The following HOMER1 variants were observed in gnomAD, a reference collection of about 807,000 sequenced individuals.
The protein encoded by HOMER1 is homer scaffold protein 1.
Under a neutral mutation model 48.9 loss-of-function variants are expected in HOMER1, and 3 were observed. The ratio of observed to expected loss-of-function variants is 0.06; its 90% CI spans 0.03 to 0.16. The LOEUF (loss-of-function observed/expected upper bound fraction) is 0.16, where lower values mean the gene tolerates loss of function less well. Among genes scored for constraint, HOMER1 ranks in the 10% least tolerant of loss-of-function variants. The pLI, the probability that HOMER1 is intolerant of heterozygous loss-of-function variation, is 1.00. For missense variants in HOMER1, 247 were observed against 411.4 expected (o/e 0.60, Z 3.46); for synonymous variants, 134 against 146.4 (o/e 0.92, Z 0.61).
At chr5:79,471,765 CA>C (rs1751628196) in intron 1 of HOMER1, among the ~76,000 whole-genome samples, 2 of 152,138 alleles carry the variant, frequency 1.3e-5, no homozygotes, top group Non-Finnish European at 2.9e-5. Context: ...GTCTTAACTT[CA>C]TTTGTCCCTT....
rs753450371 is a variant in HOMER1 at position 79,451,133 on chromosome 5, A to C, written c.163-12T>G. ...CTATTTATTATTGCCTAAAAAATAA[A>C]GCAAGTATGAGCAACCAGCAAAAAA... is the stretch of plus-strand genomic sequence containing the variant. On this transcript the variant is annotated splice_polypyrimidine_tract_variant and intron_variant, in intron 2 of 8. Transcript: ENST00000334082. The C allele has an allele frequency of 1.2e-6, 2 of 1,606,648 alleles. No homozygotes were observed. Among genetic ancestry groups the C allele is most frequent in the South Asian group, 2.2e-5 (2 of 90,562 alleles).
At chr5:79,493,607 T>G (rs1030213944) in intron 1 of HOMER1, among the ~76,000 whole-genome samples, 2 of 152,194 alleles carry the variant, frequency 1.3e-5, no homozygotes, top group Non-Finnish European at 2.9e-5. Flanking sequence ...ACCTACAAAC[T>G]ATTCATATCC....
At chr5:79,476,155 T>C (rs377653244) in intron 1 of HOMER1, among the ~76,000 whole-genome samples, 21 of 152,348 alleles carry the variant, frequency 1.4e-4, no homozygotes, top group African/African-American at 5.1e-4. Context: ...TCTGCATTGA[T>C]GGCACTGCTC....
intron 8 of HOMER1, among the ~76,000 whole-genome samples, chr5:79,390,370 G>C (rs1348623805): frequency 2.6e-5 from 4 of 151,972 alleles, no homozygotes; most frequent in African/African-American, 7.2e-5. Flanking sequence ...AGGTAACTAG[G>C]AGCATTTTAA....
chr5:79,392,954 GGA>G (rs3082001), intron 8 of HOMER1, among the ~76,000 whole-genome samples: 51,892 of 140,656 alleles, frequency 0.37, 11,558 homozygotes, highest in Non-Finnish European at 0.52. Context: ...GAAGGGAAAG[GGA>G]GAGAGAGAGA....
chr5:79,474,863 T>C (rs576095259), intron 1 of HOMER1, among the ~76,000 whole-genome samples: 1 of 152,346 alleles, frequency 6.6e-6, no homozygotes, highest in East Asian at 1.9e-4. Context: ...AAAAAGCTGA[T>C]GACAGTTTCT....
chr5:79,492,907 CTTTT>C lies in HOMER1; in HGVS notation c.5+19859_5+19862del, dbSNP rs558428061. On this transcript the variant is annotated intron_variant, in intron 1 of 8. Transcript: ENST00000334082. ...AGAATGAAGAAAACGAAAACTTTGT[CTTTT>C]TTTTTTTTTTTTTTTTTTTTTTTTA... Among the ~76,000 whole-genome samples the C allele has an allele frequency of 6.7e-3, 561 of 84,032 alleles. 16 individuals are homozygous for C. The highest frequency in any genetic ancestry group is 0.021 in the African/African-American group (489 of 23,778). The allele number at this position is 84,032 out of a possible 152,430, so 55.1% of individuals were successfully genotyped here.
chr5:79,436,778 A>G (rs1322520628), intron 5 of HOMER1, among the ~76,000 whole-genome samples: 1 of 152,194 alleles, frequency 6.6e-6, no homozygotes, highest in African/African-American at 2.4e-5. Context: ...TAAAATACTC[A>G]GTGTTCTATA....
chr5:79,509,181 G>T (rs976292646), intron 1 of HOMER1, among the ~76,000 whole-genome samples: 7 of 152,144 alleles, frequency 4.6e-5, no homozygotes, highest in African/African-American at 1.7e-4. Flanking sequence ...CATGCTTCTG[G>T]AAGTTATTTG....
At chr5:79,420,155 T>C (rs1177077485) in intron 5 of HOMER1, among the ~76,000 whole-genome samples, 1 of 152,240 alleles carries the variant, frequency 6.6e-6, no homozygotes, top group Non-Finnish European at 1.5e-5. Context: ...TATTGTCTTT[T>C]ATGTATCTGA....
intron 1 of HOMER1, among the ~76,000 whole-genome samples, chr5:79,493,103 G>A (rs937083773): frequency 4.6e-5 from 7 of 151,966 alleles, no homozygotes; most frequent in African/African-American, 1.7e-4. Flanking sequence ...ATTATTAGTA[G>A]AGACGGAGTT....
intron 8 of HOMER1, among the ~76,000 whole-genome samples, chr5:79,379,185 ATATATC>A (rs1748876829): frequency 9.9e-6 from 1 of 100,700 alleles, no homozygotes; most frequent in Non-Finnish European, 1.9e-5. Flanking sequence ...ATATATTTTT[ATATATC>A]TATAATATAT....
chr5:79,425,723 G>A (rs1054050727), intron 5 of HOMER1, among the ~76,000 whole-genome samples: 1 of 151,844 alleles, frequency 6.6e-6, no homozygotes, highest in Non-Finnish European at 1.5e-5. Context: ...CCATGACATG[G>A]TTCTTCACAT....
chr5:79,397,741 T>C (rs1580423153), intron 6 of HOMER1, 104 bp from the exon 7 acceptor site: 4 of 540,684 alleles, frequency 7.4e-6, no homozygotes, highest in East Asian at 3.3e-5. Context: ...TGAATAAATA[T>C]ATAAAAATTA....
chr5:79,410,228 A>G (rs1191970308), intron 5 of HOMER1, among the ~76,000 whole-genome samples: 1 of 152,180 alleles, frequency 6.6e-6, no homozygotes, highest in Admixed American at 6.5e-5. Flanking sequence ...ATGGTAGCTC[A>G]TGCCTGTAAT....
chr5:79,441,749 C>A (rs545444915), intron 4 of HOMER1, among the ~76,000 whole-genome samples: 1 of 152,014 alleles, frequency 6.6e-6, no homozygotes, highest in Middle Eastern at 3.4e-3. Context: ...AAAATTCCAA[C>A]AGTACATGAG....
At chr5:79,461,348 A>T (rs965364389) in intron 1 of HOMER1, among the ~76,000 whole-genome samples, 13 of 152,336 alleles carry the variant, frequency 8.5e-5, no homozygotes, top group African/African-American at 3.1e-4. Context: ...TAAACTGTAT[A>T]AAACTCATAA....
chr5:79,420,608 T>C (rs1750069102), intron 5 of HOMER1, among the ~76,000 whole-genome samples: 1 of 152,234 alleles, frequency 6.6e-6, no homozygotes, highest in Admixed American at 6.5e-5. Context: ...GAACAGAGAC[T>C]GTTTACCTGT....
chr5:79,400,308 A>C (rs1749500823), intron 6 of HOMER1, among the ~76,000 whole-genome samples: 1 of 151,868 alleles, frequency 6.6e-6, no homozygotes, highest in Non-Finnish European at 1.5e-5. Context: ...ACATTTACTC[A>C]AGTTTCTAAC....
Sources: gnomAD v4.1 joint callset for allele counts (sites outside exome capture counted in the v4.1 genomes callset) on GRCh38, gnomAD v4.1.1 for gene constraint, MANE v1.5 for transcripts, NCBI Gene and HGNC (gene_info 2026-07-23, HGNC 2026-07-21) for gene names.